Variants in HIBADH observed in about 807,000 individuals in gnomAD.
HIBADH encodes the protein 3-hydroxyisobutyrate dehydrogenase, mitochondrial.
HIBADH carries 25 observed loss-of-function variants against 36.1 expected under a neutral mutation model. The ratio of observed to expected loss-of-function variants is 0.69; its 90% CI spans 0.50 to 0.97. The LOEUF (loss-of-function observed/expected upper bound fraction) is 0.97. HIBADH is among the 50% of genes least tolerant of loss of function. HIBADH has a pLI of 0.00. For missense variants in HIBADH, 421 were observed against 418.0 expected, an observed-to-expected ratio of 1.01 and a Z score of -0.06; for synonymous variants, 160 against 149.5, an observed-to-expected ratio of 1.07 and a Z score of -0.51.
chr7:27,594,571 G>T (rs2128289438), intron 4 of HIBADH, among the ~76,000 whole-genome samples: 1 of 152,270 alleles, frequency 6.6e-6, no homozygotes, highest in South Asian at 2.1e-4. Flanking sequence ...TAAATTCAGT[G>T]CAATCCCAAC....
chr7:27,642,843 G>A (rs57863648), intron 2 of HIBADH, among the ~76,000 whole-genome samples: 18,614 of 151,638 alleles, frequency 0.12, 1,213 homozygotes, highest in Middle Eastern at 0.16. Flanking sequence ...AGTAGAGACG[G>A]GGTTTCACCG....
intron 2 of HIBADH, among the ~76,000 whole-genome samples, chr7:27,632,697 G>T (rs1297021433): frequency 6.6e-6 from 1 of 151,998 alleles, no homozygotes; most frequent in Non-Finnish European, 1.5e-5. Context: ...GAAGGGAGTT[G>T]AGGGTAAAAG....
chr7:27,633,690 G>A (rs115012043), intron 2 of HIBADH, among the ~76,000 whole-genome samples: 13 of 151,668 alleles, frequency 8.6e-5, no homozygotes, highest in African/African-American at 1.9e-4. Context: ...AAAGAAATCC[G>A]GCATCCCAAC....
chr7:27,580,120 G>A (rs1784767844), intron 4 of HIBADH, among the ~76,000 whole-genome samples: 1 of 152,132 alleles, frequency 6.6e-6, no homozygotes, highest in South Asian at 2.1e-4. Flanking sequence ...AGGTGTCAAG[G>A]AAACAAACAT....
At chr7:27,594,059 A>AATAG (rs1784986354) in intron 4 of HIBADH, among the ~76,000 whole-genome samples, 9 of 150,754 alleles carry the variant, frequency 6.0e-5, no homozygotes. Context: ...TAAATAAATA[A>AATAG]AATAATACCA....
intron 2 of HIBADH, among the ~76,000 whole-genome samples, chr7:27,644,444 AC>A: frequency 1.3e-5 from 2 of 152,218 alleles, no homozygotes; most frequent in Non-Finnish European, 2.9e-5. Context: ...TACTAAAAAT[AC>A]AAAAATTAGA....
chr7:27,532,014 C>A (rs1562611694), intron 6 of HIBADH, among the ~76,000 whole-genome samples: 1 of 152,144 alleles, frequency 6.6e-6, no homozygotes, highest in African/African-American at 2.4e-5. Context: ...TATTCAGAGA[C>A]ATGCATTATA....
intron 2 of HIBADH, among the ~76,000 whole-genome samples, chr7:27,648,572 T>C (rs1342881956): frequency 6.6e-6 from 1 of 152,208 alleles, no homozygotes; most frequent in Non-Finnish European, 1.5e-5. Context: ...TTTTTTAGTA[T>C]TCTCTGTTCT....
intron 4 of HIBADH, among the ~76,000 whole-genome samples, chr7:27,574,374 A>G: frequency 6.6e-6 from 1 of 152,094 alleles, no homozygotes; most frequent in Admixed American, 6.5e-5. Context: ...TTTCCCACAG[A>G]AATATGATGC....
chr7:27,622,373 G>C (rs1785561092), intron 4 of HIBADH, among the ~76,000 whole-genome samples: 1 of 152,090 alleles, frequency 6.6e-6, no homozygotes, highest in Non-Finnish European at 1.5e-5. Context: ...GAAGTTTATA[G>C]CAATAAATGC....
intron 4 of HIBADH, among the ~76,000 whole-genome samples, chr7:27,592,157 G>C (rs1381030184): frequency 6.6e-6 from 1 of 152,110 alleles, no homozygotes; most frequent in Non-Finnish European, 1.5e-5. Context: ...TTCCAGAAAG[G>C]CTTCCAAATG....
chr7:27,542,423 T>C (rs547133625), intron 5 of HIBADH, among the ~76,000 whole-genome samples: 20 of 147,452 alleles, frequency 1.4e-4, no homozygotes, highest in African/African-American at 4.7e-4. Context: ...ATCCTAATAA[T>C]GAATTTTTTT....
chr7:27,591,131 T>C (rs1439005591), intron 4 of HIBADH, among the ~76,000 whole-genome samples: 1 of 152,180 alleles, frequency 6.6e-6, no homozygotes, highest in Non-Finnish European at 1.5e-5. Flanking sequence ...ATAAATTCAA[T>C]TAGGTAAATG....
intron 2 of HIBADH, among the ~76,000 whole-genome samples, chr7:27,647,453 G>A (rs1786093185): frequency 2.0e-5 from 3 of 152,158 alleles, no homozygotes; most frequent in Admixed American, 2.0e-4. Context: ...TATAACATTA[G>A]GGATATTATT....
intron 4 of HIBADH, among the ~76,000 whole-genome samples, chr7:27,621,237 T>C (rs1329085331): frequency 6.6e-6 from 1 of 152,128 alleles, no homozygotes; most frequent in Non-Finnish European, 1.5e-5. Context: ...ATAAAACAAA[T>C]ATTACTAGAT....
intron 4 of HIBADH, among the ~76,000 whole-genome samples, chr7:27,555,136 T>TA (rs768324265): frequency 3.9e-5 from 6 of 152,136 alleles, no homozygotes; most frequent in Non-Finnish European, 7.4e-5. Flanking sequence ...AAAATTATTT[T>TA]ATTTTTGGTC....
At chr7:27,655,872 G>A (rs1405597321) in intron 1 of HIBADH, among the ~76,000 whole-genome samples, 1 of 151,890 alleles carries the variant, frequency 6.6e-6, no homozygotes, top group African/African-American at 2.4e-5. Context: ...ACTACTCTTG[G>A]TAAGAAATAA....
At position 27,542,949 on chromosome 7, in the gene HIBADH, T is replaced by C; in HGVS notation, c.618+18A>G. On this transcript the variant is annotated intron_variant, in intron 5 of 7. Transcript: ENST00000265395. ...ATTTTACATCATCAAGTCAAGGTCA[T>C]TAATGTAAAAATCTTACCTGCCCAG... The C allele has an allele frequency of 1.2e-6, 2 of 1,609,916 alleles. No homozygotes were observed. The highest frequency in any genetic ancestry group is 1.1e-5 in the South Asian group (1 of 90,316).
chr7:27,552,278 G>T (rs750729415), intron 4 of HIBADH, among the ~76,000 whole-genome samples: 5 of 152,104 alleles, frequency 3.3e-5, no homozygotes, highest in Admixed American at 6.6e-5. Context: ...CATGTTAGGG[G>T]TGATCTGGTT....
Sources: gnomAD v4.1 joint callset for allele counts (sites outside exome capture counted in the v4.1 genomes callset) on GRCh38, gnomAD v4.1.1 for gene constraint, MANE v1.5 for transcripts, NCBI Gene and HGNC (gene_info 2026-07-23, HGNC 2026-07-21) for gene names.